CSTPP1: variants seen among roughly 807,000 people sequenced by gnomAD.
CSTPP1 encodes UPF0705 protein C11orf49.
the CSTPP1 span, chr11:47,157,159 C>CG: frequency 1.9e-6 from 3 of 1,612,278 alleles, no homozygotes; most frequent in Non-Finnish European, 1.7e-6. Flanking sequence ...CGCTGGAGGG[C>CG]GTGGAGGCGT....
the CSTPP1 span, among the ~76,000 whole-genome samples, chr11:47,010,725 C>A: frequency 1.3e-5 from 2 of 152,138 alleles, no homozygotes; most frequent in Non-Finnish European, 2.9e-5. Context: ...AAACTGAATT[C>A]TCATAAATGT....
At chr11:46,981,899 A>G in the CSTPP1 span, among the ~76,000 whole-genome samples, 1 of 152,124 alleles carries the variant, frequency 6.6e-6, no homozygotes, top group African/African-American at 2.4e-5. Flanking sequence ...GGATGACAAA[A>G]TGTTTCACAA....
chr11:46,972,683 C>T, the CSTPP1 span, among the ~76,000 whole-genome samples: 3 of 152,188 alleles, frequency 2.0e-5, no homozygotes, highest in African/African-American at 7.2e-5. Flanking sequence ...TCCTTTTCCT[C>T]TCTAGTTCAA....
chr11:46,983,911 C>CTTTGCGTAAACTAGGAATGGA, the CSTPP1 span, among the ~76,000 whole-genome samples: 1 of 152,206 alleles, frequency 6.6e-6, no homozygotes, highest in African/African-American at 2.4e-5. Context: ...TTCACCCACA[C>CTTTGCGTAAACTAGGAATGGA]GTAAAAAGAA....
At chr11:47,024,681 G>A in the CSTPP1 span, among the ~76,000 whole-genome samples, 1 of 152,088 alleles carries the variant, frequency 6.6e-6, no homozygotes, top group African/African-American at 2.4e-5. Context: ...TGACAAACAG[G>A]TAGTCAAGGA....
the CSTPP1 span, among the ~76,000 whole-genome samples, chr11:47,077,207 T>C: frequency 6.6e-6 from 1 of 151,756 alleles, no homozygotes; most frequent in Admixed American, 6.6e-5. Flanking sequence ...TTTTTTTTTT[T>C]TTTTCTTTTT....
the CSTPP1 span, chr11:47,041,728 T>G: frequency 3.8e-6 from 2 of 531,054 alleles, 1 homozygote; most frequent in Admixed American, 4.9e-5. Flanking sequence ...GCCTTTGACC[T>G]TGGTAGGCAC....
the CSTPP1 span, chr11:47,137,425 A>G: frequency 6.6e-7 from 1 of 1,514,346 alleles, no homozygotes; most frequent in Non-Finnish European, 8.8e-7. Context: ...TTTGGTCAAA[A>G]TGGTGTAACT....
At chr11:47,033,684 G>A in the CSTPP1 span, among the ~76,000 whole-genome samples, 1 of 152,174 alleles carries the variant, frequency 6.6e-6, no homozygotes, top group Non-Finnish European at 1.5e-5. Flanking sequence ...ATTGTTTGGG[G>A]CTCAATGGCT....
chr11:46,965,425 A>G, the CSTPP1 span, among the ~76,000 whole-genome samples: 2 of 151,976 alleles, frequency 1.3e-5, no homozygotes, highest in Non-Finnish European at 2.9e-5. Flanking sequence ...GGGTTTTGCC[A>G]TGTTGGTCAG....
the CSTPP1 span, among the ~76,000 whole-genome samples, chr11:47,149,764 C>A: frequency 6.6e-6 from 1 of 152,116 alleles, no homozygotes; most frequent in East Asian, 1.9e-4. Context: ...CTCTGAACAT[C>A]AAACTGTCCC....
chr11:47,017,656 C>G, the CSTPP1 span, among the ~76,000 whole-genome samples: 195 of 145,378 alleles, frequency 1.3e-3, no homozygotes, highest in African/African-American at 4.6e-3. Context: ...TGGACTTATA[C>G]AATATATAAA....
chr11:47,027,040 C>A, the CSTPP1 span, among the ~76,000 whole-genome samples: 4 of 152,220 alleles, frequency 2.6e-5, no homozygotes, highest in South Asian at 8.3e-4. Flanking sequence ...AAATTTCTAA[C>A]ATGCTATAAA....
the CSTPP1 span, among the ~76,000 whole-genome samples, chr11:47,096,810 A>AG: frequency 7.7e-6 from 1 of 129,094 alleles, no homozygotes; most frequent in Admixed American, 7.9e-5. Flanking sequence ...AAGGCCCAGC[A>AG]GAAAAAAAAA....
At chr11:47,150,883 G>GTTTTT in the CSTPP1 span, among the ~76,000 whole-genome samples, 1 of 60,536 alleles carries the variant, frequency 1.7e-5, no homozygotes, top group Non-Finnish European at 3.4e-5. Context: ...GACTGTGAAG[G>GTTTTT]TTTTTTTTTT....
chr11:47,112,872 G>C, the CSTPP1 span, among the ~76,000 whole-genome samples: 2 of 151,996 alleles, frequency 1.3e-5, no homozygotes, highest in East Asian at 3.8e-4. Context: ...TTAAGTTCTA[G>C]GGTACATGTG....
At chr11:47,164,327 C>T in the CSTPP1 span, 3 of 1,449,714 alleles carry the variant, frequency 2.1e-6, no homozygotes, top group African/African-American at 1.4e-5. Context: ...GGGAGCCAGG[C>T]CCTGCAGGGG....
At chr11:47,103,234 C>T in the CSTPP1 span, among the ~76,000 whole-genome samples, 1 of 151,654 alleles carries the variant, frequency 6.6e-6, no homozygotes, top group Non-Finnish European at 1.5e-5. Flanking sequence ...CTCATCTCTA[C>T]AAAAAATACA....
chr11:47,074,802 GT>G, the CSTPP1 span, among the ~76,000 whole-genome samples: 1 of 152,126 alleles, frequency 6.6e-6, no homozygotes. Context: ...GTATTATTAA[GT>G]GCTTTCAATG....
Sources: allele counts gnomAD v4.1 joint callset (sites outside exome capture counted in the v4.1 genomes callset), GRCh38; gene constraint gnomAD v4.1.1; transcripts MANE v1.5; gene names NCBI Gene and HGNC (gene_info 2026-07-23, HGNC 2026-07-21).